ZFPM2: variants seen among roughly 807,000 people sequenced by gnomAD.
ZFPM2 encodes zinc finger protein, FOG family member 2, also known as zinc finger protein ZFPM2.
In ZFPM2, 20 loss-of-function variants were observed where a neutral mutation model predicts 98.6. That is an observed-to-expected ratio of 0.20 (90% confidence interval 0.14 to 0.29). The LOEUF (loss-of-function observed/expected upper bound fraction) is 0.29. Among genes scored for constraint, ZFPM2 ranks in the 10% least tolerant of loss-of-function variants. The pLI, the probability that ZFPM2 is intolerant of heterozygous loss-of-function variation, is 1.00. For missense variants in ZFPM2, 1,310 were observed against 1,388.6 expected (o/e 0.94, Z 0.90); for synonymous variants, 518 against 502.7 (o/e 1.03, Z -0.41).
chr8:105,752,624 CAATACTT>C (rs199787654), intron 5 of ZFPM2, among the ~76,000 whole-genome samples: 2 of 152,040 alleles, frequency 1.3e-5, no homozygotes, highest in East Asian at 3.9e-4. Flanking sequence ...AATAAACAAA[CAATACTT>C]AATCTGTTTT....
chr8:105,345,804 C>A (rs906650562), intron 1 of ZFPM2, among the ~76,000 whole-genome samples: 1 of 152,028 alleles, frequency 6.6e-6, no homozygotes, highest in Non-Finnish European at 1.5e-5. Flanking sequence ...AGCACATAGA[C>A]CTGTTTCTAA....
chr8:105,631,727 A>C (rs1816758570), intron 4 of ZFPM2, among the ~76,000 whole-genome samples: 1 of 152,192 alleles, frequency 6.6e-6, no homozygotes, highest in Non-Finnish European at 1.5e-5. Context: ...TATTCCTAGC[A>C]CAAGGCACAG....
chr8:105,348,035 G>A (rs1249511357), intron 1 of ZFPM2, among the ~76,000 whole-genome samples: 2 of 152,108 alleles, frequency 1.3e-5, no homozygotes, highest in African/African-American at 4.8e-5. Flanking sequence ...TTGTGTGTGT[G>A]TGAGTGTAAT....
intron 2 of ZFPM2, among the ~76,000 whole-genome samples, chr8:105,425,802 A>G (rs1811895461): frequency 6.6e-6 from 1 of 152,168 alleles, no homozygotes; most frequent in Non-Finnish European, 1.5e-5. Context: ...TGTTAAGGTA[A>G]AGCAACAGAA....
At chr8:105,355,573 G>A (rs1047453545) in intron 1 of ZFPM2, among the ~76,000 whole-genome samples, 5 of 151,950 alleles carry the variant, frequency 3.3e-5, no homozygotes, top group South Asian at 4.2e-4. Flanking sequence ...TTTTATGATC[G>A]GAGAGTACTT....
intron 1 of ZFPM2, among the ~76,000 whole-genome samples, chr8:105,392,253 A>C (rs1811123974): frequency 6.6e-6 from 1 of 152,214 alleles, no homozygotes; most frequent in South Asian, 2.1e-4. Flanking sequence ...TTACTCTTCA[A>C]AGTTTACCTT....
At chr8:105,621,189 G>A (rs1002432362) in intron 4 of ZFPM2, among the ~76,000 whole-genome samples, 19 of 151,946 alleles carry the variant, frequency 1.3e-4, no homozygotes, top group Admixed American at 3.3e-4. Context: ...ATTTGTTTGT[G>A]TCCTCTTATT....
chr8:105,538,607 A>G (rs1315754565), intron 3 of ZFPM2, among the ~76,000 whole-genome samples: 1 of 151,926 alleles, frequency 6.6e-6, no homozygotes, highest in Non-Finnish European at 1.5e-5. Flanking sequence ...TCAAAACATT[A>G]TCCGTGACTT....
intron 4 of ZFPM2, among the ~76,000 whole-genome samples, chr8:105,619,597 A>T (rs898742692): frequency 6.6e-6 from 1 of 152,136 alleles, no homozygotes; most frequent in Admixed American, 6.6e-5. Flanking sequence ...GGTTTGTTAC[A>T]TAGGTATATA....
intron 5 of ZFPM2, among the ~76,000 whole-genome samples, chr8:105,671,411 A>C: frequency 6.6e-6 from 1 of 152,032 alleles, no homozygotes; most frequent in Non-Finnish European, 1.5e-5. Flanking sequence ...ATATCAATTT[A>C]AACTAATAAT....
In ZFPM2 at chr8:105,802,329, G is replaced by A; in HGVS notation, c.2247G>A (p.Gln749=). The A allele has an allele frequency of 6.2e-7, 1 of 1,613,746 alleles. No homozygotes were observed. Among genetic ancestry groups the A allele is most frequent in the East Asian group, 2.2e-5 (1 of 44,830 alleles). ...RKMYEMCLPE[Q]EQRPPLVQQR... ...TGTATGAGATGTGCCTACCTGAGCA[G>A]GAACAAAGGCCTCCACTGGTTCAGC... The change falls in exon 8 of 8, where the codon CAG becomes CAA. Residue 749 remains glutamine (Q), a synonymous_variant. Transcript: ENST00000407775.
intron 3 of ZFPM2, among the ~76,000 whole-genome samples, chr8:105,560,349 T>C (rs1456330919): frequency 6.6e-6 from 1 of 152,066 alleles, no homozygotes; most frequent in South Asian, 2.1e-4. Flanking sequence ...CTTCATATTC[T>C]CATGTCTGCT....
At chr8:105,619,569 A>G (rs1816490723) in intron 4 of ZFPM2, among the ~76,000 whole-genome samples, 1 of 152,104 alleles carries the variant, frequency 6.6e-6, no homozygotes. Context: ...GTTCTAGGGT[A>G]CATGTGCACA....
chr8:105,791,352 T>C (rs1394202399), intron 6 of ZFPM2, among the ~76,000 whole-genome samples: 2 of 152,208 alleles, frequency 1.3e-5, no homozygotes, highest in Non-Finnish European at 2.9e-5. Flanking sequence ...GATAATCATG[T>C]GGTTTTTGTC....
At chr8:105,345,425 CTTTTTTTTTT>C (rs10560485) in intron 1 of ZFPM2, among the ~76,000 whole-genome samples, 2 of 98,360 alleles carry the variant, frequency 2.0e-5, no homozygotes, top group Admixed American at 1.4e-4. Flanking sequence ...TCGTGATGTT[CTTTTTTTTTT>C]TTTTTTTTTT....
intron 5 of ZFPM2, among the ~76,000 whole-genome samples, chr8:105,788,180 A>G (rs774449087): frequency 6.6e-6 from 1 of 152,136 alleles, no homozygotes; most frequent in Non-Finnish European, 1.5e-5. Flanking sequence ...CAACTACCTG[A>G]ATTTCATTTT....
In ZFPM2 at chr8:105,803,521, G is replaced by T; in HGVS notation, c.3439G>T (p.Ala1147Ser). Residue 1147 changes from alanine to serine, a missense_variant, in exon 8 of 8, where the codon GCA becomes TCA. Coordinates refer to ENST00000407775, the MANE Select transcript of ZFPM2 (RefSeq NM_012082.4). ...HKKFYCSSHA[A>S]EHVK Reference sequence around the variant, plus strand: ...GAAGTTTTATTGCTCATCACATGCAGCAGAACATGTCAAATGAACTAACTA... The same window carrying T: ...GAAGTTTTATTGCTCATCACATGCATCAGAACATGTCAAATGAACTAACTA... The T allele has an allele frequency of 6.2e-7, 1 of 1,608,860 alleles. No homozygotes were observed. The highest frequency in any genetic ancestry group is 8.5e-7 in the Non-Finnish European group (1 of 1,177,260).
At chr8:105,368,688 G>A (rs1030365440) in intron 1 of ZFPM2, among the ~76,000 whole-genome samples, 1 of 151,912 alleles carries the variant, frequency 6.6e-6, no homozygotes, top group Non-Finnish European at 1.5e-5. Flanking sequence ...ACTGTGTTTT[G>A]CCCTATTTAG....
intron 2 of ZFPM2, among the ~76,000 whole-genome samples, chr8:105,435,196 G>A (rs1275353181): frequency 6.6e-6 from 1 of 152,040 alleles, no homozygotes; most frequent in Non-Finnish European, 1.5e-5. Flanking sequence ...AAATGGAAAG[G>A]CCCACAAAAT....
Sources: gnomAD v4.1 joint callset for allele counts (sites outside exome capture counted in the v4.1 genomes callset) on GRCh38, gnomAD v4.1.1 for gene constraint, MANE v1.5 for transcripts, NCBI Gene and HGNC (gene_info 2026-07-23, HGNC 2026-07-21) for gene names.